Variants in PTPRD observed in about 807,000 individuals in gnomAD.
PTPRD encodes protein tyrosine phosphatase receptor type D.
In PTPRD, 34 loss-of-function variants were observed where a neutral mutation model predicts 214.5. That is an observed-to-expected ratio of 0.16 (90% CI 0.12 to 0.21). PTPRD has a LOEUF of 0.21. Ranked by LOEUF, PTPRD falls within the 10% of genes least tolerant of loss-of-function variation. The pLI is 1.00. For synonymous variants in PTPRD, 1,128 were observed against 845.7 expected (o/e 1.33, Z -5.79); for missense variants, 2,545 against 2,398.7 (o/e 1.06, Z -1.27).
intron 3 of PTPRD, among the ~76,000 whole-genome samples, chr9:10,130,419 G>T (rs972442403): frequency 4.0e-5 from 6 of 151,830 alleles, no homozygotes; most frequent in African/African-American, 1.5e-4. Context: ...TGTCATATTT[G>T]CCCTCTCTTT....
At chr9:10,224,338 T>A (rs1414759943) in intron 3 of PTPRD, among the ~76,000 whole-genome samples, 1 of 152,072 alleles carries the variant, frequency 6.6e-6, no homozygotes. Flanking sequence ...TATGTCAGAT[T>A]AATTCTAGAA....
chr9:8,336,865 C>T (rs988400734), intron 43 of PTPRD, among the ~76,000 whole-genome samples: 3 of 152,138 alleles, frequency 2.0e-5, no homozygotes, highest in Non-Finnish European at 4.4e-5. Flanking sequence ...TATCACTGGT[C>T]ATTAGAGAAA....
At chr9:10,468,036 C>T (rs2099005945) in intron 2 of PTPRD, among the ~76,000 whole-genome samples, 1 of 152,140 alleles carries the variant, frequency 6.6e-6, no homozygotes, top group African/African-American at 2.4e-5. Context: ...AATAGGAAAA[C>T]TTTTACACTG....
intron 8 of PTPRD, among the ~76,000 whole-genome samples, chr9:9,426,083 T>A (rs1588079877): frequency 6.6e-6 from 1 of 152,068 alleles, no homozygotes; most frequent in African/African-American, 2.4e-5. Context: ...TGCAGCCCAC[T>A]GACTGTGAGC....
intron 5 of PTPRD, among the ~76,000 whole-genome samples, chr9:9,873,239 C>T (rs942190205): frequency 6.6e-6 from 1 of 152,080 alleles, no homozygotes; most frequent in Non-Finnish European, 1.5e-5. Flanking sequence ...ACTGTTCTAA[C>T]CTTTCATGTA....
intron 14 of PTPRD, among the ~76,000 whole-genome samples, chr9:8,593,337 T>C (rs2094252814): frequency 6.6e-6 from 1 of 152,180 alleles, no homozygotes; most frequent in Non-Finnish European, 1.5e-5. Flanking sequence ...CCCTGGACCA[T>C]TCAGTTTTAA....
At chr9:9,683,760 C>T (rs1238009405) in intron 7 of PTPRD, among the ~76,000 whole-genome samples, 1 of 151,596 alleles carries the variant, frequency 6.6e-6, no homozygotes, top group Non-Finnish European at 1.5e-5. Context: ...ATTAAAATAG[C>T]ATTGTGAGAT....
intron 7 of PTPRD, among the ~76,000 whole-genome samples, chr9:9,577,639 G>C (rs1024713917): frequency 1.3e-5 from 2 of 152,084 alleles, no homozygotes; most frequent in Admixed American, 6.6e-5. Context: ...TTTCAGAGGA[G>C]AGATTTATGA....
intron 7 of PTPRD, among the ~76,000 whole-genome samples, chr9:9,681,553 G>A (rs566371042): frequency 5.8e-4 from 88 of 151,656 alleles, no homozygotes; most frequent in African/African-American, 2.1e-3. Flanking sequence ...CCACCTATCA[G>A]GCCCCATCCC....
At chr9:10,559,962 G>A (rs746616055) in intron 2 of PTPRD, among the ~76,000 whole-genome samples, 1 of 152,116 alleles carries the variant, frequency 6.6e-6, no homozygotes, top group African/African-American at 2.4e-5. Context: ...CTGTTGGTGG[G>A]ACCGTAAACT....
chr9:8,353,060 G>A (rs1386997936), intron 39 of PTPRD, among the ~76,000 whole-genome samples: 1 of 151,120 alleles, frequency 6.6e-6, no homozygotes, highest in Non-Finnish European at 1.5e-5. Flanking sequence ...GCAGTGAGCC[G>A]AGATCACACC....
At chr9:8,395,097 T>A (rs1278066712) in intron 36 of PTPRD, among the ~76,000 whole-genome samples, 1 of 152,098 alleles carries the variant, frequency 6.6e-6, no homozygotes, top group Non-Finnish European at 1.5e-5. Context: ...TACTTTTATT[T>A]TCTTTAAGTT....
At chr9:10,025,280 T>C (rs2096902330) in intron 4 of PTPRD, among the ~76,000 whole-genome samples, 1 of 152,152 alleles carries the variant, frequency 6.6e-6, no homozygotes, top group South Asian at 2.1e-4. Context: ...CTCCACATCC[T>C]CTCCAGCATC....
intron 14 of PTPRD, among the ~76,000 whole-genome samples, chr9:8,611,343 T>A (rs1288525856): frequency 1.3e-5 from 2 of 152,122 alleles, no homozygotes; most frequent in Admixed American, 1.3e-4. Flanking sequence ...ATGACGTCAC[T>A]AAAAGATGAG....
At chr9:8,392,392 C>G (rs948136707) in intron 36 of PTPRD, among the ~76,000 whole-genome samples, 8 of 151,916 alleles carry the variant, frequency 5.3e-5, no homozygotes, top group African/African-American at 1.9e-4. Flanking sequence ...TGGATATGGT[C>G]ATGCACGCCT....
chr9:8,354,063 A>T (rs961092825), intron 39 of PTPRD, among the ~76,000 whole-genome samples: 1 of 149,834 alleles, frequency 6.7e-6, no homozygotes, highest in African/African-American at 2.4e-5. Flanking sequence ...GGTTCAAGCA[A>T]TCATATTTTT....
At chr9:10,580,000 T>C (rs2071128137) in intron 2 of PTPRD, among the ~76,000 whole-genome samples, 1 of 152,164 alleles carries the variant, frequency 6.6e-6, no homozygotes, top group Non-Finnish European at 1.5e-5. Flanking sequence ...AAATTCTAGA[T>C]ATTAGTTTTC....
chr9:9,487,334 G>A (rs994527837), intron 8 of PTPRD, among the ~76,000 whole-genome samples: 2 of 151,878 alleles, frequency 1.3e-5, no homozygotes, highest in African/African-American at 4.8e-5. Context: ...CCTTGCGATA[G>A]TTTGCTGAGA....
chr9:8,937,384 G>A (rs561758070), intron 11 of PTPRD, among the ~76,000 whole-genome samples: 2 of 152,260 alleles, frequency 1.3e-5, no homozygotes, highest in East Asian at 3.9e-4. Flanking sequence ...GTTGAGTATG[G>A]TGAAAATAAG....
Sources: gnomAD v4.1 joint callset for allele counts (sites outside exome capture counted in the v4.1 genomes callset) on GRCh38, gnomAD v4.1.1 for gene constraint, MANE v1.5 for transcripts, NCBI Gene and HGNC (gene_info 2026-07-23, HGNC 2026-07-21) for gene names.